Variants in HCN1 observed in about 807,000 individuals in gnomAD.
The protein encoded by HCN1 is hyperpolarization activated cyclic nucleotide gated potassium channel 1.
Under a neutral mutation model 78.9 loss-of-function variants are expected in HCN1, and 13 were observed. The observed-to-expected ratio is 0.16, with a 90% CI of 0.11 to 0.26. The LOEUF (loss-of-function observed/expected upper bound fraction) is 0.26, where lower values mean the gene tolerates loss of function less well. Among genes scored for constraint, HCN1 ranks in the 10% least tolerant of loss-of-function variants. The probability of loss-of-function intolerance (pLI) is 1.00; values close to 1 mark genes in which losing one functional copy is unlikely to be tolerated. For synonymous variants in HCN1, 552 were observed against 455.5 expected, an observed-to-expected ratio of 1.21 and a Z score of -2.70; for missense variants, 810 against 1,154.3, an observed-to-expected ratio of 0.70 and a Z score of 4.32.
chr5:45,610,566 TGTATATATG>T (rs892400193), intron 2 of HCN1, among the ~76,000 whole-genome samples: 1 of 149,550 alleles, frequency 6.7e-6, no homozygotes, highest in Non-Finnish European at 1.5e-5. Flanking sequence ...AAAGTATATA[TGTATATATG>T]ATTAATATAT....
intron 2 of HCN1, among the ~76,000 whole-genome samples, chr5:45,617,988 A>ACC (rs1348089833): frequency 1.3e-5 from 2 of 152,074 alleles, no homozygotes; most frequent in Admixed American, 6.6e-5. Flanking sequence ...TGGTGAAATA[A>ACC]CAAAGCGTAA....
chr5:45,266,516 T>G (rs1261440556), intron 7 of HCN1, among the ~76,000 whole-genome samples: 1 of 152,172 alleles, frequency 6.6e-6, no homozygotes, highest in Non-Finnish European at 1.5e-5. Flanking sequence ...GCTTTTTACC[T>G]GAAGATTCAA....
At chr5:45,616,060 C>A (rs1744942967) in intron 2 of HCN1, among the ~76,000 whole-genome samples, 2 of 146,932 alleles carry the variant, frequency 1.4e-5, no homozygotes, top group Admixed American at 6.8e-5. Context: ...TGGTATATAA[C>A]AATGTTTTTC....
At chr5:45,312,864 C>T (rs1027250302) in intron 5 of HCN1, among the ~76,000 whole-genome samples, 2 of 152,186 alleles carry the variant, frequency 1.3e-5, no homozygotes, top group Admixed American at 6.5e-5. Flanking sequence ...AACAAAGCAG[C>T]CTGGAGGCTC....
At chr5:45,370,727 G>A (rs1023779146) in intron 4 of HCN1, among the ~76,000 whole-genome samples, 15 of 151,926 alleles carry the variant, frequency 9.9e-5, no homozygotes, top group South Asian at 2.1e-4. Flanking sequence ...ATTGTCATGC[G>A]CCAGCAATAA....
intron 2 of HCN1, among the ~76,000 whole-genome samples, chr5:45,562,521 C>CAAACAAACAAACAAA (rs11283021): frequency 5.3e-5 from 8 of 151,500 alleles, no homozygotes; most frequent in Admixed American, 1.3e-4. Flanking sequence ...AACAAACAAA[C>CAAACAAACAAACAAA]AAACAAAAAA....
At chr5:45,665,414 A>G (rs1202007977) in intron 1 of HCN1, among the ~76,000 whole-genome samples, 1 of 151,982 alleles carries the variant, frequency 6.6e-6, no homozygotes, top group Non-Finnish European at 1.5e-5. Context: ...TAACCTGCAC[A>G]TTGTGCACAT....
At chr5:45,410,097 C>T (rs1232336780) in intron 3 of HCN1, among the ~76,000 whole-genome samples, 1 of 151,908 alleles carries the variant, frequency 6.6e-6, no homozygotes, top group African/African-American at 2.4e-5. Flanking sequence ...CTAACAATAG[C>T]AGAAACATGA....
intron 3 of HCN1, among the ~76,000 whole-genome samples, chr5:45,415,206 TTTATC>T (rs2112060461): frequency 6.6e-6 from 1 of 152,146 alleles, no homozygotes; most frequent in African/African-American, 2.4e-5. Flanking sequence ...AAAACAATGT[TTTATC>T]TTTTATTTTT....
chr5:45,685,309 A>G (rs952149731), intron 1 of HCN1, among the ~76,000 whole-genome samples: 1 of 152,192 alleles, frequency 6.6e-6, no homozygotes, highest in Admixed American at 6.5e-5. Context: ...ATGCAACCCA[A>G]TGAATGCCAT....
intron 2 of HCN1, among the ~76,000 whole-genome samples, chr5:45,588,084 A>G (rs919247343): frequency 6.6e-6 from 1 of 152,168 alleles, no homozygotes; most frequent in African/African-American, 2.4e-5. Flanking sequence ...ATGTGCCACC[A>G]AAGTACCAGC....
intron 2 of HCN1, among the ~76,000 whole-genome samples, chr5:45,585,434 T>A (rs981315107): frequency 6.6e-6 from 1 of 152,168 alleles, no homozygotes; most frequent in Non-Finnish European, 1.5e-5. Flanking sequence ...TTCGTCTAAT[T>A]TTTTTTCAAG....
Position 45,396,540 on chromosome 5 carries a change from G to C in HCN1, c.1182C>G (p.Thr394=), listed in dbSNP as rs1261922847. The C allele has an allele frequency of 6.2e-7, 1 of 1,613,772 alleles. No individual in the cohort carries two copies. Among genetic ancestry groups the C allele is most frequent in the Non-Finnish European group, 8.5e-7 (1 of 1,179,884 alleles). The part of the protein sequence containing the change: ...TCYAMFVGHA[T]ALIQSLDSSR... ...AAGAATCCAGAGACTGGATTAAAGC[G>C]GTGGCATGGCCGACAAACATGGCAT... Residue 394 remains threonine, a synonymous_variant, in exon 4 of 8, where the codon ACC becomes ACG. Coordinates refer to ENST00000303230, the MANE Select transcript of HCN1 (RefSeq NM_021072.4).
chr5:45,292,575 T>C (rs1745402426), intron 6 of HCN1, among the ~76,000 whole-genome samples: 1 of 152,040 alleles, frequency 6.6e-6, no homozygotes, highest in Non-Finnish European at 1.5e-5. Context: ...TTCTCAGAAA[T>C]CATCTGGTAT....
chr5:45,421,059 CTCTTTCTT>C (rs760745639), intron 3 of HCN1, among the ~76,000 whole-genome samples: 8 of 151,814 alleles, frequency 5.3e-5, no homozygotes, highest in Admixed American at 3.3e-4. Context: ...CTCTCTTTCT[CTCTTTCTT>C]CTTTCTTTTT....
At chr5:45,538,992 C>T (rs1436479629) in intron 2 of HCN1, among the ~76,000 whole-genome samples, 2 of 152,110 alleles carry the variant, frequency 1.3e-5, no homozygotes, top group Admixed American at 6.6e-5. Flanking sequence ...ATATTTTTCC[C>T]CATCCTTGTC....
intron 2 of HCN1, chr5:45,575,728 A>C (rs1743927645): frequency 6.6e-6 from 1 of 152,062 alleles, no homozygotes; most frequent in Admixed American, 6.6e-5. Flanking sequence ...ATTTCTTTCA[A>C]AATATCACTG....
intron 5 of HCN1, among the ~76,000 whole-genome samples, chr5:45,316,936 C>G (rs1746005893): frequency 6.6e-6 from 1 of 152,124 alleles, no homozygotes; most frequent in Non-Finnish European, 1.5e-5. Context: ...AATGGAAGAA[C>G]ATTCCATGCT....
intron 6 of HCN1, among the ~76,000 whole-genome samples, chr5:45,299,510 T>C (rs955110201): frequency 6.6e-6 from 1 of 151,974 alleles, no homozygotes; most frequent in African/African-American, 2.4e-5. Flanking sequence ...TCAACTCCAC[T>C]CAATTATATG....
Sources: gnomAD v4.1 joint callset for allele counts (sites outside exome capture counted in the v4.1 genomes callset) on GRCh38, gnomAD v4.1.1 for gene constraint, MANE v1.5 for transcripts, NCBI Gene and HGNC (gene_info 2026-07-23, HGNC 2026-07-21) for gene names.